CHRM5: variants seen among roughly 807,000 people sequenced by gnomAD.
The protein encoded by CHRM5 is muscarinic acetylcholine receptor M5.
In CHRM5, 18 loss-of-function variants were observed where a neutral mutation model predicts 39.0. The ratio of observed to expected loss-of-function variants is 0.46; its 90% CI spans 0.32 to 0.68. The LOEUF is 0.68. Ranked by LOEUF, CHRM5 falls within the 30% of genes least tolerant of loss-of-function variation. CHRM5 has a pLI of 0.04. For missense variants in CHRM5, 515 were observed against 651.1 expected (o/e 0.79, Z 2.28); for synonymous variants, 241 against 246.3 (o/e 0.98, Z 0.20).
At chr15:34,039,089 C>T (rs112609265) in intron 1 of CHRM5, 193,475 of 1,072,778 alleles carry the variant, frequency 0.18, 18,866 homozygotes, top group Middle Eastern at 0.27. Context: ...AGCCGAGCTG[C>T]GGCGGAGACG....
chr15:34,031,100 G>A (rs1898771235), intron 1 of CHRM5, among the ~76,000 whole-genome samples: 1 of 100,156 alleles, frequency 1.0e-5, no homozygotes, highest in Admixed American at 1.2e-4. Flanking sequence ...CTGATAATAA[G>A]CCAAAAGAAT....
intron 1 of CHRM5, among the ~76,000 whole-genome samples, chr15:34,035,390 A>T (rs1004202944): frequency 1.3e-5 from 2 of 152,208 alleles, no homozygotes; most frequent in Admixed American, 6.5e-5. Flanking sequence ...TTAAAAAAAT[A>T]ATCAGGCATG....
At chr15:33,993,623 T>C (rs1896816044) in intron 1 of CHRM5, among the ~76,000 whole-genome samples, 1 of 152,166 alleles carries the variant, frequency 6.6e-6, no homozygotes, top group Non-Finnish European at 1.5e-5. Context: ...AAAAAATTGA[T>C]AATACATATG....
In CHRM5 at chr15:34,020,010, G is replaced by T. The variant is rs573110709; in HGVS notation, c.-407-26530G>T. Among the ~76,000 whole-genome samples the T allele has an allele frequency of 1.3e-5, 2 of 152,270 alleles. 1 individual carries two copies. Among genetic ancestry groups the T allele is most frequent in the South Asian group, 4.1e-4 (2 of 4,832 alleles). On this transcript the variant is annotated intron_variant, in intron 1 of 2. Transcript: ENST00000383263. ...TTGATTTTTTAAACACCTTTTCCAT[G>T]CCTCAAAATAGAGGTTTTAGGCTGG...
At chr15:34,034,440 CT>C (rs35115548) in intron 1 of CHRM5, among the ~76,000 whole-genome samples, 21,711 of 88,358 alleles carry the variant, frequency 0.25, 1,982 homozygotes, top group Middle Eastern at 0.39. Flanking sequence ...GACCCAGTTT[CT>C]TTTTTAAAAA....
chr15:34,050,292 C>G (rs1222769378), intron 2 of CHRM5, among the ~76,000 whole-genome samples: 2 of 152,164 alleles, frequency 1.3e-5, no homozygotes, highest in Non-Finnish European at 1.5e-5. Context: ...CAAGCAAATG[C>G]TGAGGGAATT....
At chr15:34,044,867 G>A (rs1262552353) in intron 1 of CHRM5, among the ~76,000 whole-genome samples, 1 of 152,128 alleles carries the variant, frequency 6.6e-6, no homozygotes, top group East Asian at 1.9e-4. Context: ...TAGCTAATAG[G>A]GTGAAACCCC....
rs573096358 is a variant in CHRM5, at chr15:33,978,820, C to A, written c.-408+9670C>A. ...ATTAGAAGGATATATTAATAAACCA[C>A]AAACTTAGAAGAAACCAGAGAATAA... On this transcript the variant is annotated intron_variant, in intron 1 of 2. Transcript: ENST00000383263. Among the ~76,000 whole-genome samples the A allele has an allele frequency of 5.3e-5, 8 of 152,214 alleles. 1 individual carries two copies. The highest frequency in any genetic ancestry group is 1.9e-4 in the African/African-American group (8 of 41,552).
At chr15:34,040,835 G>T (rs1274097670) in intron 1 of CHRM5, among the ~76,000 whole-genome samples, 1 of 151,770 alleles carries the variant, frequency 6.6e-6, no homozygotes, top group East Asian at 1.9e-4. Context: ...AGAATCATTT[G>T]AGCCCAGGAG....
chr15:34,038,906 T>A lies in CHRM5; in HGVS notation c.-407-7634T>A, dbSNP rs550927187. 22 of 1,116,558 alleles carry A rather than the reference T, an allele frequency of 2.0e-5. No individual in the cohort carries two copies. In the South Asian group the frequency reaches 2.5e-4, roughly 13 times the overall value. 69.2% of individuals were successfully genotyped at this position (1,116,558 alleles called of 1,614,324 possible). Reference sequence around the variant, plus strand: ...CACGGCCACGGCCCCGGCGTCCGCCTCCGTCCCCGCCGCCGCCTCCGCCGC... The same window carrying A: ...CACGGCCACGGCCCCGGCGTCCGCCACCGTCCCCGCCGCCGCCTCCGCCGC... On this transcript the variant is annotated intron_variant, in intron 1 of 2. Transcript: ENST00000383263.
intron 1 of CHRM5, among the ~76,000 whole-genome samples, chr15:33,998,580 T>C (rs1897024565): frequency 6.6e-6 from 1 of 152,236 alleles, no homozygotes; most frequent in African/African-American, 2.4e-5. Context: ...ACCTGCTGTC[T>C]CAAACATCTC....
chr15:33,995,908 G>C (rs1236198803), intron 1 of CHRM5, among the ~76,000 whole-genome samples: 1 of 152,226 alleles, frequency 6.6e-6, no homozygotes, highest in African/African-American at 2.4e-5. Context: ...CAAGGGGTCA[G>C]GGGATTTCCC....
At chr15:33,977,812 C>T (rs777668245) in intron 1 of CHRM5, among the ~76,000 whole-genome samples, 3 of 152,022 alleles carry the variant, frequency 2.0e-5, no homozygotes, top group African/African-American at 4.8e-5. Context: ...GTAGTTCACC[C>T]GTGTAATTCT....
chr15:34,004,978 AAT>A (rs761014851), intron 1 of CHRM5, among the ~76,000 whole-genome samples: 49 of 147,126 alleles, frequency 3.3e-4, no homozygotes, highest in Non-Finnish European at 5.2e-4. Context: ...ACTTAAAAAA[AAT>A]AATGAGCTTT....
chr15:34,020,475 C>T (rs892091658), intron 1 of CHRM5, among the ~76,000 whole-genome samples: 1 of 152,134 alleles, frequency 6.6e-6, no homozygotes, highest in Non-Finnish European at 1.5e-5. Context: ...GCATGTAGAT[C>T]ATCTGGTTTA....
At chr15:34,003,309 A>C (rs1897212504) in intron 1 of CHRM5, 2 of 948,766 alleles carry the variant, frequency 2.1e-6, no homozygotes, top group Non-Finnish European at 1.6e-6. Flanking sequence ...AACAATAAAA[A>C]GCAATAGACC....
chr15:34,026,228 T>C (rs185917558), intron 1 of CHRM5, among the ~76,000 whole-genome samples: 11 of 152,304 alleles, frequency 7.2e-5, no homozygotes, highest in African/African-American at 2.6e-4. Context: ...CCCAGTTTTA[T>C]GAGAAAAGAA....
chr15:34,009,358 T>TA (rs915167686), intron 1 of CHRM5, among the ~76,000 whole-genome samples: 3 of 152,330 alleles, frequency 2.0e-5, no homozygotes, highest in South Asian at 2.1e-4. Context: ...TATGTAACTA[T>TA]AAAATATCAC....
chr15:33,983,007 C>A (rs1479595538), intron 1 of CHRM5, among the ~76,000 whole-genome samples: 2 of 151,636 alleles, frequency 1.3e-5, no homozygotes, highest in Non-Finnish European at 2.9e-5. Context: ...CTGCATGGAC[C>A]ATGACTGTCT....
Sources: gnomAD v4.1 joint callset for allele counts (sites outside exome capture counted in the v4.1 genomes callset) on GRCh38, gnomAD v4.1.1 for gene constraint, MANE v1.5 for transcripts, NCBI Gene and HGNC (gene_info 2026-07-23, HGNC 2026-07-21) for gene names.